EXOC4: variants seen among roughly 807,000 people sequenced by gnomAD.
EXOC4 encodes SEC8-like 1.
Under a neutral mutation model 107.2 loss-of-function variants are expected in EXOC4, and 71 were observed. That is an observed-to-expected ratio of 0.66 (90% CI 0.55 to 0.81). The LOEUF is 0.81. Among genes scored for constraint, EXOC4 ranks in the 30% least tolerant of loss-of-function variants. The pLI, the probability that EXOC4 is intolerant of heterozygous loss-of-function variation, is 0.00. For missense variants in EXOC4, 1,108 were observed against 1,189.6 expected (o/e 0.93, Z 1.01); for synonymous variants, 456 against 441.2 (o/e 1.03, Z -0.42).
chr7:133,475,288 AT>A (rs1355317393), intron 7 of EXOC4, 39 bp from the exon 8 acceptor site: 2 of 1,512,202 alleles, frequency 1.3e-6, no homozygotes, highest in Non-Finnish European at 1.8e-6. Context: ...CACATTAAAA[AT>A]GTGTATATTA....
intron 2 of EXOC4, among the ~76,000 whole-genome samples, chr7:133,285,536 G>A (rs909035400): frequency 6.6e-6 from 1 of 152,136 alleles, no homozygotes; most frequent in Non-Finnish European, 1.5e-5. Context: ...GAAATCCGAT[G>A]TCATTCTGAT....
intron 7 of EXOC4, among the ~76,000 whole-genome samples, chr7:133,398,241 G>A (rs769168710): frequency 3.9e-5 from 6 of 152,142 alleles, no homozygotes; most frequent in Non-Finnish European, 8.8e-5. Flanking sequence ...AGCCTCCCAG[G>A]TTAAGACTTA....
At chr7:133,757,758 A>G (rs533052691) in intron 10 of EXOC4, among the ~76,000 whole-genome samples, 11 of 152,318 alleles carry the variant, frequency 7.2e-5, no homozygotes, top group African/African-American at 1.4e-4. Flanking sequence ...TCATATGACA[A>G]ATACTGTGTG....
At chr7:133,714,564 G>T (rs571942923) in intron 10 of EXOC4, among the ~76,000 whole-genome samples, 1 of 152,160 alleles carries the variant, frequency 6.6e-6, no homozygotes, top group East Asian at 1.9e-4. Flanking sequence ...CATATTCCTG[G>T]GTTTTGCATC....
chr7:133,407,854 CT>C lies in EXOC4; in HGVS notation c.1182+32861del, dbSNP rs544325284. Among the ~76,000 whole-genome samples, 132 of 151,566 alleles carry C rather than the reference CT, an allele frequency of 8.7e-4. 2 individuals carry two copies. Among genetic ancestry groups the C allele is most frequent in the Non-Finnish European group, 1.9e-4 (13 of 67,848 alleles). ...ATTTCTAGATGCACACCTGGTGACACTTTTTTTTTGTCCTCTCAATAATTAT... is the reference window on the plus strand; with the variant it reads ...ATTTCTAGATGCACACCTGGTGACACTTTTTTTTGTCCTCTCAATAATTAT... On this transcript the variant is annotated intron_variant, in intron 7 of 17. Coordinates refer to ENST00000253861, the MANE Select transcript of EXOC4 (RefSeq NM_021807.4).
chr7:134,002,541 G>A (rs1794554264), intron 15 of EXOC4, among the ~76,000 whole-genome samples: 1 of 151,998 alleles, frequency 6.6e-6, no homozygotes, highest in African/African-American at 2.4e-5. Context: ...CCAAAGACCA[G>A]GAGAAAATAT....
At chr7:133,419,159 G>A (rs1053438099) in intron 7 of EXOC4, among the ~76,000 whole-genome samples, 6 of 152,104 alleles carry the variant, frequency 3.9e-5, no homozygotes, top group Admixed American at 1.3e-4. Context: ...ATGGTTTCAA[G>A]AAAATAACAA....
chr7:133,373,523 T>C (rs1249807390), intron 6 of EXOC4, among the ~76,000 whole-genome samples: 1 of 152,202 alleles, frequency 6.6e-6, no homozygotes, highest in Non-Finnish European at 1.5e-5. Context: ...ATTGTCACAT[T>C]AATTACAATA....
chr7:133,386,298 A>C (rs1796725143), intron 7 of EXOC4, among the ~76,000 whole-genome samples: 1 of 152,186 alleles, frequency 6.6e-6, no homozygotes, highest in African/African-American at 2.4e-5. Context: ...CGGCTATTCC[A>C]GTGGTCACTG....
At chr7:133,529,945 A>G (rs1800150340) in intron 9 of EXOC4, among the ~76,000 whole-genome samples, 1 of 152,126 alleles carries the variant, frequency 6.6e-6, no homozygotes, top group South Asian at 2.1e-4. Flanking sequence ...CCACTAATGT[A>G]TATTGGGAGT....
chr7:133,824,788 T>C (rs1797659833), intron 11 of EXOC4, among the ~76,000 whole-genome samples: 1 of 152,092 alleles, frequency 6.6e-6, no homozygotes, highest in South Asian at 2.1e-4. Flanking sequence ...TAACGTGGCG[T>C]TCTCCCGTGT....
At chr7:133,502,296 C>T (rs1352744342) in intron 9 of EXOC4, among the ~76,000 whole-genome samples, 2 of 151,846 alleles carry the variant, frequency 1.3e-5, no homozygotes, top group East Asian at 3.9e-4. Flanking sequence ...TCTTTGGTGG[C>T]CTATTTGCTA....
intron 3 of EXOC4, among the ~76,000 whole-genome samples, chr7:133,305,433 G>C (rs1411874958): frequency 1.3e-5 from 2 of 152,190 alleles, no homozygotes; most frequent in African/African-American, 4.8e-5. Flanking sequence ...AGCACAAAGA[G>C]TCATGATTGC....
chr7:133,463,087 G>A (rs1437729898), intron 7 of EXOC4, among the ~76,000 whole-genome samples: 1 of 152,148 alleles, frequency 6.6e-6, no homozygotes, highest in South Asian at 2.1e-4. Flanking sequence ...TTAATAACCT[G>A]CATGAAAGAT....
chr7:133,698,408 T>C (rs1794584672), intron 10 of EXOC4, among the ~76,000 whole-genome samples: 1 of 152,008 alleles, frequency 6.6e-6, no homozygotes, highest in South Asian at 2.1e-4. Context: ...AAGACCAGCC[T>C]GTGTCTCTAC....
intron 3 of EXOC4, among the ~76,000 whole-genome samples, chr7:133,295,448 T>A (rs1384303624): frequency 4.6e-5 from 7 of 152,132 alleles, no homozygotes; most frequent in Non-Finnish European, 1.0e-4. Flanking sequence ...TTCTGAGCAA[T>A]GTAATTTGTT....
intron 10 of EXOC4, among the ~76,000 whole-genome samples, chr7:133,816,774 C>T (rs1353706624): frequency 3.3e-5 from 5 of 152,132 alleles, no homozygotes; most frequent in Non-Finnish European, 7.4e-5. Context: ...GCACAGCTCA[C>T]GGTAGGGTTC....
chr7:133,948,674 C>T (rs1800611992), intron 14 of EXOC4, among the ~76,000 whole-genome samples: 1 of 152,134 alleles, frequency 6.6e-6, no homozygotes, highest in Admixed American at 6.5e-5. Context: ...CTTTCAAGAA[C>T]CTTTGTAACC....
chr7:134,013,059 A>G (rs188544882), intron 17 of EXOC4, among the ~76,000 whole-genome samples: 3 of 152,344 alleles, frequency 2.0e-5, no homozygotes, highest in African/African-American at 7.2e-5. Flanking sequence ...ATACGCTTCA[A>G]ATGTATATAT....
Sources: allele counts gnomAD v4.1 joint callset (sites outside exome capture counted in the v4.1 genomes callset), GRCh38; gene constraint gnomAD v4.1.1; transcripts MANE v1.5; gene names NCBI Gene and HGNC (gene_info 2026-07-23, HGNC 2026-07-21).